AGO4: variants seen among roughly 807,000 people sequenced by gnomAD.
The protein encoded by AGO4 is argonaute RISC component 4.
In AGO4, 33 loss-of-function variants were observed where a neutral mutation model predicts 104.7. The ratio of observed to expected loss-of-function variants is 0.32; its 90% CI spans 0.24 to 0.42. The LOEUF is 0.42. AGO4 is among the 10% of genes least tolerant of loss of function. AGO4 has a pLI of 1.00. For missense variants in AGO4, 711 were observed against 1,083.4 expected (o/e 0.66, Z 4.83); for synonymous variants, 331 against 364.7 (o/e 0.91, Z 1.05).
intron 12 of AGO4, 53 bp downstream of exon 12, chr1:35,834,227 C>G: frequency 1.4e-6 from 2 of 1,405,700 alleles, no homozygotes; most frequent in South Asian, 1.7e-5. Flanking sequence ...GTAGATATAA[C>G]AGTCAGGATA....
intron 13 of AGO4, among the ~76,000 whole-genome samples, chr1:35,838,812 T>A (rs929748477): frequency 2.0e-5 from 3 of 152,182 alleles, no homozygotes; most frequent in African/African-American, 7.2e-5. Flanking sequence ...TGAAATACTA[T>A]GTGTGAAAGT....
At chr1:35,838,008 G>A (rs763324996) in intron 13 of AGO4, among the ~76,000 whole-genome samples, 3 of 151,616 alleles carry the variant, frequency 2.0e-5, no homozygotes, top group Non-Finnish European at 4.4e-5. Flanking sequence ...TTAGTCTCCT[G>A]AGTAGCTGGG....
chr1:35,826,820 C>T lies in AGO4; in HGVS notation c.833C>T (p.Pro278Leu), dbSNP rs1234215426. The T allele has an allele frequency of 9.3e-6, 15 of 1,614,058 alleles. No homozygotes were observed. The highest frequency in any genetic ancestry group is 1.3e-5 in the Non-Finnish European group (15 of 1,179,980). The change falls in exon 7 of 18, where the codon CCA (proline) becomes CTA (leucine). Residue 278 changes from proline to leucine, a missense_variant. Pro to Leu is a moderately conservative substitution (Grantham distance 98, BLOSUM62 -3). Coordinates refer to ENST00000373210, the MANE Select transcript of AGO4 (RefSeq NM_017629.4). ...KYRVCNVTRR[P>L]ASHQTFPLQL... ...CGAGTTTGTAATGTGACTAGACGGCCAGCCAGTCATCAAACGTATGTTAAC... is the reference window on the plus strand; with the variant it reads ...CGAGTTTGTAATGTGACTAGACGGCTAGCCAGTCATCAAACGTATGTTAAC...
chr1:35,850,300 A>T (rs1044844648), intron 16 of AGO4, 42 bp downstream of exon 16: 19 of 1,473,088 alleles, frequency 1.3e-5, no homozygotes, highest in Non-Finnish European at 1.7e-5. Flanking sequence ...TGATAGGGAG[A>T]TGTTTGCAAA....
chr1:35,809,709 A>G (rs943042266), intron 1 of AGO4, among the ~76,000 whole-genome samples: 3 of 152,214 alleles, frequency 2.0e-5, no homozygotes, highest in African/African-American at 7.2e-5. Context: ...TCAATCTAGT[A>G]ATGTAATAGT....
chr1:35,815,781 C>T lies in AGO4; in HGVS notation c.20-1101C>T, dbSNP rs727006. On this transcript the variant is annotated intron_variant, in intron 1 of 17. Transcript: ENST00000373210. The stretch of plus-strand genomic sequence containing the variant: ...GTAGCTGTATCCTGGGTCCTTTCCA[C>T]TAGATGCCAGCAGCACTTCTCAGGT... 1.2e-3 allele frequency among the ~76,000 whole-genome samples: 176 copies of T among 152,248 alleles called. 2 individuals carry two copies. In the East Asian group the frequency reaches 0.033, roughly 29 times the overall value.
intron 1 of AGO4, among the ~76,000 whole-genome samples, chr1:35,813,282 G>A (rs1305009171): frequency 2.0e-5 from 3 of 151,974 alleles, no homozygotes; most frequent in Admixed American, 1.3e-4. Context: ...GGCAGCATGC[G>A]CCTGTAGTCC....
chr1:35,850,104 C>T lies in AGO4; in HGVS notation c.2176-53C>T, dbSNP rs112612721. 1.1e-3 allele frequency: 1,493 copies of T among 1,311,476 alleles called. 15 individuals are homozygous for T. The African/African-American group carries it at 0.02, about 18-fold the overall frequency. The allele number at this position is 1,311,476 out of a possible 1,614,324, so 81.2% of individuals were successfully genotyped here. A position where few individuals can be genotyped will look rare whatever the true frequency, so the allele number is the denominator to read the frequency against. ...TTAACACACAAAAGAAAAAAATGGC[C>T]TGACCACAGTTTGGCACTTTGATGA... On this transcript the variant is annotated intron_variant, in intron 15 of 17. Coordinates refer to ENST00000373210, the MANE Select transcript of AGO4 (RefSeq NM_017629.4).
chr1:35,830,631 T>C (rs1232417801), intron 7 of AGO4, among the ~76,000 whole-genome samples: 1 of 152,194 alleles, frequency 6.6e-6, no homozygotes, highest in African/African-American at 2.4e-5. Flanking sequence ...GGAATCATTG[T>C]TCTGGTTAAA....
At chr1:35,832,229 C>A in intron 10 of AGO4, 44 bp downstream of exon 10, 1 of 1,596,850 alleles carries the variant, frequency 6.3e-7, no homozygotes, top group South Asian at 1.1e-5. Flanking sequence ...CACAACCAGT[C>A]AAAAAGAGAA....
At chr1:35,829,627 A>T (rs1307754851) in intron 7 of AGO4, among the ~76,000 whole-genome samples, 3 of 152,022 alleles carry the variant, frequency 2.0e-5, no homozygotes, top group Non-Finnish European at 4.4e-5. Flanking sequence ...ACTAGAGGTC[A>T]GGAGTTCAAG....
intron 2 of AGO4, among the ~76,000 whole-genome samples, chr1:35,820,048 G>T (rs1461590258): frequency 6.6e-6 from 1 of 152,140 alleles, no homozygotes; most frequent in African/African-American, 2.4e-5. Context: ...AGGAAGATTG[G>T]CATGGAGAGA....
intron 15 of AGO4, among the ~76,000 whole-genome samples, chr1:35,848,600 C>A (rs1366117506): frequency 2.7e-5 from 4 of 150,614 alleles, no homozygotes; most frequent in Admixed American, 1.3e-4. Context: ...TTCTCCAAGG[C>A]ATCACCTCTT....
intron 13 of AGO4, among the ~76,000 whole-genome samples, chr1:35,838,851 G>T (rs1471640711): frequency 6.6e-6 from 1 of 152,012 alleles, no homozygotes; most frequent in African/African-American, 2.4e-5. Flanking sequence ...TGGGGCTGTG[G>T]TATTAGTCAT....
intron 16 of AGO4, 136 bp downstream of exon 16, chr1:35,850,394 C>A: frequency 1.3e-6 from 1 of 758,272 alleles, no homozygotes; most frequent in South Asian, 1.4e-5. Context: ...ATCTTTTGGT[C>A]TAGGTATCTG....
chr1:35,838,842 G>T (rs2148675259), intron 13 of AGO4, among the ~76,000 whole-genome samples: 1 of 152,182 alleles, frequency 6.6e-6, no homozygotes, highest in South Asian at 2.1e-4. Context: ...AGTTAAATTT[G>T]GGGCTGTGGT....
At position 35,822,856 on chromosome 1, in the gene AGO4, G is replaced by A. The variant is rs1276729680; in HGVS notation, c.186-6G>A. 3 of 1,613,758 alleles carry A rather than the reference G, an allele frequency of 1.9e-6. No homozygotes were observed. The African/African-American group carries it at 4.0e-5, about 22-fold the overall frequency. On this transcript the variant is annotated splice_polypyrimidine_tract_variant and splice_region_variant and intron_variant, in intron 2 of 17. Coordinates refer to ENST00000373210, the MANE Select transcript of AGO4 (RefSeq NM_017629.4). ...GCTAACTGCCATTATCTCCATTACTGTGAAGGGAGGTAGTAGATACAATGG... is the reference window on the plus strand; with the variant it reads ...GCTAACTGCCATTATCTCCATTACTATGAAGGGAGGTAGTAGATACAATGG...
At chr1:35,838,487 A>G (rs1185072876) in intron 13 of AGO4, among the ~76,000 whole-genome samples, 2 of 152,186 alleles carry the variant, frequency 1.3e-5, no homozygotes, top group Non-Finnish European at 2.9e-5. Context: ...ATGCCTGGTC[A>G]ACAGTGGCTT....
intron 16 of AGO4, 73 bp downstream of exon 16, chr1:35,850,331 G>A (rs1644669463): frequency 1.1e-5 from 13 of 1,134,728 alleles, no homozygotes; most frequent in Admixed American, 5.1e-5. Flanking sequence ...AGCTTGAGTC[G>A]ACTTGTTATT....
Sources: allele counts gnomAD v4.1 joint callset (sites outside exome capture counted in the v4.1 genomes callset), GRCh38; gene constraint gnomAD v4.1.1; transcripts MANE v1.5; gene names NCBI Gene and HGNC (gene_info 2026-07-23, HGNC 2026-07-21).